MBOAT2: variants seen among roughly 807,000 people sequenced by gnomAD.
MBOAT2 encodes membrane-bound glycerophospholipid O-acyltransferase 2.
MBOAT2 carries 28 observed loss-of-function variants against 63.4 expected under a neutral mutation model. The ratio of observed to expected loss-of-function variants is 0.44; its 90% confidence interval spans 0.33 to 0.61. MBOAT2 has a LOEUF of 0.61. Among genes scored for constraint, MBOAT2 ranks in the 20% least tolerant of loss-of-function variants. The pLI is 0.03. For missense variants in MBOAT2, 470 were observed against 605.8 expected, an observed-to-expected ratio of 0.78 and a Z score of 2.35; for synonymous variants, 211 against 215.6, an observed-to-expected ratio of 0.98 and a Z score of 0.19.
intron 3 of MBOAT2, among the ~76,000 whole-genome samples, chr2:8,929,033 C>T (rs1210241010): frequency 6.6e-6 from 1 of 151,894 alleles, no homozygotes; most frequent in East Asian, 1.9e-4. Context: ...ACTGAAAGAG[C>T]GGTAAATGGA....
rs945904777 is a variant in MBOAT2, at chr2:8,856,720, A to C, written c.*1959T>G. The C allele has an allele frequency of 6.6e-6, 1 of 151,940 alleles. No homozygotes were observed. The highest frequency in any genetic ancestry group is 1.5e-5 in the Non-Finnish European group (1 of 68,034). 9.4% of individuals were successfully genotyped at this position (151,940 alleles called of 1,614,324 possible). On this transcript the variant is annotated 3_prime_UTR_variant, in exon 13 of 13. Coordinates refer to ENST00000305997, the MANE Select transcript of MBOAT2 (RefSeq NM_138799.4). The surrounding 1 kb of genome is among the most constrained non-coding windows in gnomAD (Gnocchi z 4.2). ...CAGGTGTGCGCCACCATGCCCGTCT[A>C]ATTTTTGTGTTTTCAGTAGAGACGG...
chr2:8,972,835 G>C (rs1379333153), intron 1 of MBOAT2, among the ~76,000 whole-genome samples: 6 of 152,172 alleles, frequency 3.9e-5, no homozygotes, highest in Admixed American at 1.3e-4. Context: ...TCTCACACCA[G>C]TTAGAATGGC....
At chr2:8,961,781 G>T (rs567430998) in intron 1 of MBOAT2, among the ~76,000 whole-genome samples, 5 of 152,020 alleles carry the variant, frequency 3.3e-5, no homozygotes, top group Non-Finnish European at 7.4e-5. Flanking sequence ...ATCTCCACCC[G>T]CAGGGGGCAT....
intron 4 of MBOAT2, among the ~76,000 whole-genome samples, chr2:8,897,562 G>C: frequency 6.6e-6 from 1 of 152,208 alleles, no homozygotes; most frequent in East Asian, 1.9e-4. Context: ...TCTAAGGCTT[G>C]GGTAAGTGCC....
chr2:8,971,231 T>C (rs912606107), intron 1 of MBOAT2, among the ~76,000 whole-genome samples: 12 of 152,202 alleles, frequency 7.9e-5, no homozygotes, highest in Non-Finnish European at 1.8e-4. Flanking sequence ...TCAATAAACA[T>C]AATCCAGCAC....
At chr2:8,910,585 C>T (rs566434737) in intron 3 of MBOAT2, among the ~76,000 whole-genome samples, 3 of 152,188 alleles carry the variant, frequency 2.0e-5, no homozygotes, top group South Asian at 4.1e-4. Flanking sequence ...GATAAGAAGC[C>T]GTTTCTAAGA....
chr2:9,002,937 A>C (rs1396445292), intron 1 of MBOAT2, among the ~76,000 whole-genome samples: 4 of 152,182 alleles, frequency 2.6e-5, no homozygotes, highest in Admixed American at 1.3e-4. Flanking sequence ...CCTTCCCACA[A>C]ACTGTTGCCT....
chr2:8,976,609 G>A (rs1437256631), intron 1 of MBOAT2, among the ~76,000 whole-genome samples: 1 of 152,124 alleles, frequency 6.6e-6, no homozygotes, highest in Non-Finnish European at 1.5e-5. Flanking sequence ...GAGAAGCCAA[G>A]CAGCCCATCC....
At position 8,877,242 on chromosome 2, in the gene MBOAT2, G is replaced by A. The variant is rs746949538; in HGVS notation, c.507-29C>T. 3 of 1,594,406 alleles carry A rather than the reference G, an allele frequency of 1.9e-6. No homozygotes were observed. In the East Asian group the frequency reaches 6.7e-5, roughly 36 times the overall value. On this transcript the variant is annotated intron_variant, in intron 6 of 12. Transcript: ENST00000305997. ...CAATGAAAAGACATGCAACCAGTGA[G>A]ATGCAGCATAAGCTTCAGAACATCT...
At position 8,966,378 on chromosome 2, in the gene MBOAT2, C is replaced by T. The variant is rs73157451; in HGVS notation, c.76-7736G>A. Among the ~76,000 whole-genome samples the T allele has an allele frequency of 5.8e-3, 887 of 152,278 alleles. 6 individuals carry two copies. The highest frequency in any genetic ancestry group is 0.021 in the African/African-American group (861 of 41,550). Reference sequence around the variant, plus strand: ...AGACAGAACAACCTTCAGTTTCAAGCGCCCTGTGCTGGAATCTTATCTGTG... The same window carrying T: ...AGACAGAACAACCTTCAGTTTCAAGTGCCCTGTGCTGGAATCTTATCTGTG... On this transcript the variant is annotated intron_variant, in intron 1 of 12. Coordinates refer to ENST00000305997, the MANE Select transcript of MBOAT2 (RefSeq NM_138799.4).
intron 3 of MBOAT2, among the ~76,000 whole-genome samples, chr2:8,934,901 A>G (rs1415048471): frequency 6.6e-6 from 1 of 152,164 alleles, no homozygotes; most frequent in Non-Finnish European, 1.5e-5. Flanking sequence ...TGGCACTTCC[A>G]AGATCATCAT....
At chr2:8,882,698 T>C in intron 5 of MBOAT2, 133 bp from the exon 6 acceptor site, 1 of 777,400 alleles carries the variant, frequency 1.3e-6, no homozygotes. Flanking sequence ...TAATGACTGT[T>C]CCTTTCCTTC....
chr2:8,905,885 G>A (rs564849804), intron 4 of MBOAT2, among the ~76,000 whole-genome samples: 1 of 152,148 alleles, frequency 6.6e-6, no homozygotes, highest in Non-Finnish European at 1.5e-5. Flanking sequence ...ATCTTTAAAA[G>A]TCCAGGTTGT....
intron 4 of MBOAT2, among the ~76,000 whole-genome samples, chr2:8,907,383 A>G (rs1448605685): frequency 6.6e-6 from 1 of 152,246 alleles, no homozygotes; most frequent in Non-Finnish European, 1.5e-5. Context: ...ATAGGTGCAA[A>G]TTCTCAGGAG....
intron 1 of MBOAT2, among the ~76,000 whole-genome samples, chr2:8,996,409 T>C (rs1473631397): frequency 6.6e-6 from 1 of 152,218 alleles, no homozygotes; most frequent in Non-Finnish European, 1.5e-5. Context: ...GAAGCAACCC[T>C]AACGTCCTGG....
chr2:8,857,557 C>A lies in MBOAT2; in HGVS notation c.*1122G>T, dbSNP rs1319133399. 1 of 152,098 alleles carries A rather than the reference C, an allele frequency of 6.6e-6. No homozygotes were observed. The highest frequency in any genetic ancestry group is 6.5e-5 in the Admixed American group (1 of 15,278). The allele number at this position is 152,098 out of a possible 1,614,324, so 9.4% of individuals were successfully genotyped here. The stretch of plus-strand genomic sequence containing the variant: ...TTATATTATTCTTAAAAAATGTCAC[C>A]CAGACTCAGTGACTTTTATTTTTCA... On this transcript the variant is annotated 3_prime_UTR_variant, in exon 13 of 13. Coordinates refer to ENST00000305997, the MANE Select transcript of MBOAT2 (RefSeq NM_138799.4).
At chr2:8,938,501 C>T (rs1356287561) in intron 3 of MBOAT2, among the ~76,000 whole-genome samples, 4 of 151,960 alleles carry the variant, frequency 2.6e-5, no homozygotes, top group Non-Finnish European at 5.9e-5. Flanking sequence ...ACGTTTCATG[C>T]CGCCACATTT....
chr2:8,974,385 CGT>C (rs1457072897), intron 1 of MBOAT2: 1 of 456,318 alleles, frequency 2.2e-6, no homozygotes, highest in African/African-American at 2.0e-5. Flanking sequence ...CTGCCAGGTA[CGT>C]GAGACACACG....
intron 3 of MBOAT2, among the ~76,000 whole-genome samples, chr2:8,912,873 C>T (rs1665895706): frequency 6.6e-6 from 1 of 152,088 alleles, no homozygotes; most frequent in African/African-American, 2.4e-5. Context: ...AAAAAAGAGC[C>T]CGCATAGCCA....
Sources: gnomAD v4.1 joint callset for allele counts (sites outside exome capture counted in the v4.1 genomes callset) on GRCh38, gnomAD v4.1.1 for gene constraint, Gnocchi (gnomAD v3.1) non-coding constraint, MANE v1.5 for transcripts, NCBI Gene and HGNC (gene_info 2026-07-23, HGNC 2026-07-21) for gene names.